Variants in ABCA13 observed in about 807,000 individuals in gnomAD.
The protein encoded by ABCA13 is ATP binding cassette subfamily A member 13.
In ABCA13, 476 loss-of-function variants were observed where a neutral mutation model predicts 478.7. The ratio of observed to expected loss-of-function variants is 0.99; its 90% CI spans 0.92 to 1.07. ABCA13 has a LOEUF of 1.07. ABCA13 is among the 50% of genes least tolerant of loss of function. ABCA13 has a pLI of 0.00. For synonymous variants in ABCA13, 2,252 were observed against 2,158.9 expected (o/e 1.04, Z -1.20); for missense variants, 6,060 against 5,910.6 (o/e 1.03, Z -0.83).
chr7:48,223,069 G>C (rs1217530665), intron 5 of ABCA13, among the ~76,000 whole-genome samples: 2 of 152,156 alleles, frequency 1.3e-5, no homozygotes, highest in Admixed American at 1.3e-4. Context: ...TGTGAGGTAG[G>C]TTATGAGAGA....
chr7:48,473,290 C>G (rs1418156160), intron 45 of ABCA13, among the ~76,000 whole-genome samples: 1 of 152,092 alleles, frequency 6.6e-6, no homozygotes, highest in African/African-American at 2.4e-5. Context: ...AGTGTTGCAG[C>G]CATGTTCCAA....
At chr7:48,596,766 C>T (rs980321051) in intron 58 of ABCA13, among the ~76,000 whole-genome samples, 6 of 151,680 alleles carry the variant, frequency 4.0e-5, no homozygotes. Flanking sequence ...CCACTGCACT[C>T]CAGCCTGGGC....
chr7:48,624,034 G>T lies in ABCA13; in HGVS notation c.14837+8657G>T, dbSNP rs553864390. 1.6e-4 allele frequency among the ~76,000 whole-genome samples: 24 copies of T among 151,256 alleles called. 1 individual carries two copies. The South Asian group carries it at 5.1e-3, about 32-fold the overall frequency. On this transcript the variant is annotated intron_variant, in intron 59 of 61. Transcript: ENST00000435803. ...AGCCCTATATGGTATAGAGATTCAT[G>T]AGTTTACGTGTGAGCACATGATAGA...
Position 48,274,254 on chromosome 7 carries a change from A to G in ABCA13, c.4588A>G (p.Ile1530Val). 1 of 1,613,096 alleles carries G rather than the reference A, an allele frequency of 6.2e-7. No individual in the cohort carries two copies. Among genetic ancestry groups the G allele is most frequent in the Non-Finnish European group, 8.5e-7 (1 of 1,179,558 alleles). Residue 1530 changes from isoleucine (I) to valine (V), a missense_variant, in exon 17 of 62, where the codon ATA becomes GTA. Transcript: ENST00000435803. ...RYFTELILRP[I>V]EMSDEIPNQF... ...TTTTACTGAATTAATTCTAAGACCAATAGAAATGTCAGATGAAATTCCTAA... is the reference window on the plus strand; with the variant it reads ...TTTTACTGAATTAATTCTAAGACCAGTAGAAATGTCAGATGAAATTCCTAA...
chr7:48,378,602 A>G (rs1433112095), intron 35 of ABCA13, among the ~76,000 whole-genome samples: 2 of 152,160 alleles, frequency 1.3e-5, no homozygotes, highest in Non-Finnish European at 2.9e-5. Flanking sequence ...AAGGTTAAAC[A>G]AACAATCCAC....
At position 48,558,759 on chromosome 7, in the gene ABCA13, G is replaced by T. The variant is rs143729269; in HGVS notation, c.14355-21465G>T. Among the ~76,000 whole-genome samples, 3 of 152,104 alleles carry T rather than the reference G, an allele frequency of 2.0e-5. No homozygotes were observed. The East Asian group carries it at 5.8e-4, about 29-fold the overall frequency. On this transcript the variant is annotated intron_variant, in intron 55 of 61. Transcript: ENST00000435803. ...CTATTTTGAATTATCTATGTGAAAG[G>T]TCACATATCTCTGTTTCTCCAGGAT...
intron 40 of ABCA13, 136 bp from the exon 41 acceptor site, chr7:48,412,217 C>A: frequency 1.5e-6 from 1 of 663,738 alleles, no homozygotes; most frequent in South Asian, 2.1e-5. Flanking sequence ...ATGCCTATTG[C>A]TTAAGTGTGA....
intron 42 of ABCA13, among the ~76,000 whole-genome samples, chr7:48,449,643 T>C (rs1045117566): frequency 5.3e-5 from 8 of 152,298 alleles, no homozygotes; most frequent in African/African-American, 1.9e-4. Context: ...AGAAGTATAT[T>C]TCCCAAGGAA....
At chr7:48,242,424 GT>G (rs1326920068) in intron 10 of ABCA13, among the ~76,000 whole-genome samples, 11 of 151,180 alleles carry the variant, frequency 7.3e-5, no homozygotes, top group Admixed American at 2.0e-4. Flanking sequence ...TCCATCTGCT[GT>G]TTTTTTTTCT....
At chr7:48,527,764 A>AC in intron 54 of ABCA13, among the ~76,000 whole-genome samples, 1 of 152,296 alleles carries the variant, frequency 6.6e-6, no homozygotes, top group Admixed American at 6.5e-5. Flanking sequence ...AGCTGTGAGC[A>AC]CTACACACAC....
rs367887534 is a variant in ABCA13, at chr7:48,274,980, G to A, written c.5314G>A (p.Val1772Ile). 1.2e-6 allele frequency: 2 copies of A among 1,613,946 alleles called. No individual in the cohort carries two copies. Among genetic ancestry groups the A allele is most frequent in the African/African-American group, 1.3e-5 (1 of 75,040 alleles). ...AAACATCACTGAAGGCCTCAAGGATGTCTACAGCTTCACACTCCTTCATGG... is the reference window on the plus strand; with the variant it reads ...AAACATCACTGAAGGCCTCAAGGATATCTACAGCTTCACACTCCTTCATGG... ...GKNITEGLKD[V>I]YSFTLLHGIT... Residue 1772 changes from valine (V) to isoleucine (I), a missense_variant, in exon 17 of 62, where the codon GTC becomes ATC. Physicochemically the swap from Val to Ile is conservative, Grantham distance 29. Coordinates refer to ENST00000435803, the MANE Select transcript of ABCA13 (RefSeq NM_152701.5).
intron 55 of ABCA13, among the ~76,000 whole-genome samples, chr7:48,579,705 T>C (rs982329994): frequency 6.6e-6 from 1 of 152,206 alleles, no homozygotes. Flanking sequence ...TTGAGGCTTA[T>C]GTACCATATA....
chr7:48,462,400 T>C (rs1172402372), intron 43 of ABCA13, among the ~76,000 whole-genome samples: 2 of 151,956 alleles, frequency 1.3e-5, no homozygotes, highest in Non-Finnish European at 2.9e-5. Flanking sequence ...TTTTTCTGTC[T>C]GGAATTGTGC....
In ABCA13 at chr7:48,389,113, G is replaced by C; in HGVS notation, c.11547G>C (p.Lys3849Asn). 1 of 1,613,954 alleles carries C rather than the reference G, an allele frequency of 6.2e-7. No homozygotes were observed. Among genetic ancestry groups the C allele is most frequent in the Non-Finnish European group, 8.5e-7 (1 of 1,179,866 alleles). ...GAGTCACCCTGGTGTCTGTGACCAA[G>C]GAATATGAGGGCCACAAGGCTGTGG... ...APGVTLVSVTKEYEGHKAVVQ... is the reference protein window; with the variant it reads ...APGVTLVSVTNEYEGHKAVVQ... Residue 3849 changes from lysine to asparagine, a missense_variant, in exon 37 of 62, where the codon AAG becomes AAC. Coordinates refer to ENST00000435803, the MANE Select transcript of ABCA13 (RefSeq NM_152701.5).
chr7:48,467,287 A>T (rs776494693), intron 44 of ABCA13, among the ~76,000 whole-genome samples: 11 of 152,190 alleles, frequency 7.2e-5, no homozygotes, highest in Admixed American at 2.0e-4. Context: ...GCTTTATATT[A>T]TTGCAAAATA....
intron 55 of ABCA13, among the ~76,000 whole-genome samples, chr7:48,562,952 A>T (rs1442480554): frequency 9.1e-6 from 1 of 109,862 alleles, no homozygotes; most frequent in East Asian, 2.5e-4. Context: ...ACATATATGT[A>T]TGTGTGTATA....
chr7:48,446,368 A>G (rs1191839003), intron 42 of ABCA13, among the ~76,000 whole-genome samples: 2 of 149,658 alleles, frequency 1.3e-5, no homozygotes, highest in African/African-American at 4.9e-5. Flanking sequence ...TTCTTTATAT[A>G]ATGCTTTGTC....
At chr7:48,544,991 CATTTGGT>C (rs1784691987) in intron 55 of ABCA13, among the ~76,000 whole-genome samples, 1 of 151,926 alleles carries the variant, frequency 6.6e-6, no homozygotes, top group Admixed American at 6.6e-5. Context: ...AATCCCCACA[CATTTGGT>C]CACAGAAGTC....
At position 48,382,057 on chromosome 7, in the gene ABCA13, C is replaced by A. The variant is rs1396982537; in HGVS notation, c.11335+5485C>A. ...GAGATGGTTTAATTAGCAAAGCAAC[C>A]CTTAATATTCAATTTATTTTTTCAT... is the stretch of plus-strand genomic sequence containing the variant. On this transcript the variant is annotated intron_variant, in intron 35 of 61. Transcript: ENST00000435803. Among the ~76,000 whole-genome samples the A allele has an allele frequency of 2.6e-5, 4 of 152,200 alleles. No homozygotes were observed. The East Asian group carries it at 7.7e-4, about 29-fold the overall frequency.
Sources: allele counts gnomAD v4.1 joint callset (sites outside exome capture counted in the v4.1 genomes callset), GRCh38; gene constraint gnomAD v4.1.1; transcripts MANE v1.5; gene names NCBI Gene and HGNC (gene_info 2026-07-23, HGNC 2026-07-21).